Variants in TMEM131L observed in about 807,000 individuals in gnomAD.
TMEM131L encodes the protein transmembrane 131 like, also known as transmembrane protein 131-like.
A neutral mutation model predicts 192.2 loss-of-function variants in TMEM131L; 54 were observed. The ratio of observed to expected loss-of-function variants is 0.28; its 90% CI spans 0.23 to 0.35. TMEM131L has a LOEUF of 0.35. Ranked by LOEUF, TMEM131L falls within the 10% of genes least tolerant of loss-of-function variation. TMEM131L has a pLI of 1.00. For synonymous variants in TMEM131L, 701 were observed against 704.9 expected, an observed-to-expected ratio of 0.99 and a Z score of 0.09; for missense variants, 1,888 against 1,972.9, an observed-to-expected ratio of 0.96 and a Z score of 0.82.
chr4:153,602,184 A>C lies in TMEM131L; in HGVS notation c.2299A>C (p.Thr767Pro). ...AGACAGTAAGCAAATTTTATCTATT[A>C]CAAAGAACTTTAAAGTTGAGAATAT... ...LKDSKQILSI[T>P]KNFKVENIGP... Residue 767 changes from threonine (T) to proline (P), a missense_variant, in exon 22 of 35, where the codon ACA becomes CCA. Coordinates refer to ENST00000409959, the MANE Select transcript of TMEM131L (RefSeq NM_001131007.2). 1 of 1,606,430 alleles carries C rather than the reference A, an allele frequency of 6.2e-7. No homozygotes were observed. The highest frequency in any genetic ancestry group is 2.2e-5 in the East Asian group (1 of 44,744).
intron 3 of TMEM131L, among the ~76,000 whole-genome samples, chr4:153,527,515 G>T (rs1444535596): frequency 6.6e-6 from 1 of 152,092 alleles, no homozygotes; most frequent in Non-Finnish European, 1.5e-5. Flanking sequence ...GGGCTCAAGT[G>T]ATCCGCTTGC....
chr4:153,538,078 G>A (rs1440198266), intron 3 of TMEM131L, among the ~76,000 whole-genome samples: 1 of 152,146 alleles, frequency 6.6e-6, no homozygotes, highest in Non-Finnish European at 1.5e-5. Flanking sequence ...AATGTGTATC[G>A]GTATTTGAGG....
At chr4:153,631,873 C>T (rs927941390) in intron 31 of TMEM131L, among the ~76,000 whole-genome samples, 1 of 152,218 alleles carries the variant, frequency 6.6e-6, no homozygotes, top group Non-Finnish European at 1.5e-5. Flanking sequence ...TTTGAACTCC[C>T]CAGGCACACC....
intron 25 of TMEM131L, among the ~76,000 whole-genome samples, chr4:153,605,635 G>A (rs779063160): frequency 1.2e-4 from 19 of 152,218 alleles, no homozygotes; most frequent in South Asian, 4.1e-4. Context: ...GATTACAAGC[G>A]TGAGCCACTG....
At chr4:153,626,294 T>A in intron 30 of TMEM131L, 69 bp downstream of exon 30, 1 of 1,007,320 alleles carries the variant, frequency 9.9e-7, no homozygotes, top group Non-Finnish European at 1.5e-6. Flanking sequence ...TTATTGTGTT[T>A]CTTCTTTGTA....
intron 32 of TMEM131L, 97 bp downstream of exon 32, chr4:153,632,935 G>A (rs1734314202): frequency 1.4e-6 from 2 of 1,429,564 alleles, no homozygotes; most frequent in East Asian, 2.3e-5. Flanking sequence ...CAAAAATGAA[G>A]GCTAGGCTTC....
intron 30 of TMEM131L, among the ~76,000 whole-genome samples, chr4:153,626,631 G>T (rs536288386): frequency 6.6e-6 from 1 of 152,312 alleles, no homozygotes; most frequent in East Asian, 1.9e-4. Flanking sequence ...AGGCGTAGCG[G>T]CGCATGCCTG....
intron 7 of TMEM131L, among the ~76,000 whole-genome samples, chr4:153,569,803 A>G (rs1390061342): frequency 1.3e-5 from 2 of 152,234 alleles, no homozygotes; most frequent in African/African-American, 4.8e-5. Flanking sequence ...CACATAGCTG[A>G]AATGCCTTAA....
At chr4:153,484,350 A>C (rs1312332957) in intron 3 of TMEM131L, among the ~76,000 whole-genome samples, 1 of 152,158 alleles carries the variant, frequency 6.6e-6, no homozygotes, top group Non-Finnish European at 1.5e-5. Context: ...TTTGCAACCA[A>C]TTTATAAATG....
At chr4:153,532,459 A>G (rs953845213) in intron 3 of TMEM131L, among the ~76,000 whole-genome samples, 1 of 151,642 alleles carries the variant, frequency 6.6e-6, no homozygotes. Context: ...AAAAAAAAAA[A>G]GCTTTATTGA....
intron 3 of TMEM131L, among the ~76,000 whole-genome samples, chr4:153,527,743 C>T (rs749315765): frequency 6.6e-6 from 1 of 152,154 alleles, no homozygotes; most frequent in Non-Finnish European, 1.5e-5. Flanking sequence ...TGAGGAAACG[C>T]AGCCCAGGAA....
chr4:153,486,369 G>C (rs746223249), intron 3 of TMEM131L, among the ~76,000 whole-genome samples: 11 of 152,232 alleles, frequency 7.2e-5, no homozygotes, highest in Non-Finnish European at 1.6e-4. Flanking sequence ...GTGCTGAGAG[G>C]TTGCCTTTAG....
intron 26 of TMEM131L, among the ~76,000 whole-genome samples, chr4:153,618,444 C>G (rs1042322082): frequency 1.5e-5 from 2 of 133,674 alleles, no homozygotes; most frequent in Admixed American, 8.5e-5. Context: ...TCACTGCACT[C>G]TAGCCTGAGC....
chr4:153,616,000 G>A (rs1732948965), intron 26 of TMEM131L, among the ~76,000 whole-genome samples: 4 of 151,988 alleles, frequency 2.6e-5, no homozygotes, highest in African/African-American at 4.8e-5. Context: ...ATCCCTGAGG[G>A]CATGGGTCTT....
intron 7 of TMEM131L, among the ~76,000 whole-genome samples, chr4:153,571,988 T>C (rs980202111): frequency 6.6e-6 from 1 of 152,230 alleles, no homozygotes; most frequent in Non-Finnish European, 1.5e-5. Flanking sequence ...TCTCAAAGTA[T>C]CTCCACTTCT....
In TMEM131L at chr4:153,583,222, T is replaced by C; in HGVS notation, c.925T>C (p.Ser309Pro). ...DSAVNMYILH[S>P]GNSLIWIQDI... ...AGCAGTAAATATGTATATATTACAT[T>C]CAGGAAACAGCCTTATATGGATACA... is the stretch of plus-strand genomic sequence containing the variant. Residue 309 changes from serine to proline, a missense_variant, in exon 10 of 35, where the codon TCA becomes CCA. Transcript: ENST00000409959. The C allele has an allele frequency of 6.8e-7, 1 of 1,470,150 alleles. No individual in the cohort carries two copies. Among genetic ancestry groups the C allele is most frequent in the Non-Finnish European group, 9.5e-7 (1 of 1,049,034 alleles). 91.1% of individuals were successfully genotyped at this position (1,470,150 alleles called of 1,614,324 possible). A position where few individuals can be genotyped will look rare whatever the true frequency, so the allele number is the denominator to read the frequency against.
intron 3 of TMEM131L, among the ~76,000 whole-genome samples, chr4:153,544,492 G>C (rs908407857): frequency 2.0e-5 from 3 of 152,142 alleles, no homozygotes; most frequent in African/African-American, 7.2e-5. Context: ...CCTCTGCCTT[G>C]GGCTGGCCCT....
chr4:153,605,285 A>G lies in TMEM131L; in HGVS notation c.3418+855A>G, dbSNP rs368755422. Among the ~76,000 whole-genome samples the G allele has an allele frequency of 1.2e-3, 188 of 152,354 alleles. 2 individuals carry two copies. Among genetic ancestry groups the G allele is most frequent in the African/African-American group, 4.3e-3 (178 of 41,580 alleles). ...TTAATAGATCCCTTTGGCCTCTAGCATAAGGGCCTGTGCTTATTTATTTTC... is the reference window on the plus strand; with the variant it reads ...TTAATAGATCCCTTTGGCCTCTAGCGTAAGGGCCTGTGCTTATTTATTTTC... On this transcript the variant is annotated intron_variant, in intron 25 of 34. Transcript: ENST00000409959.
At chr4:153,526,579 C>CA (rs796947666) in intron 3 of TMEM131L, among the ~76,000 whole-genome samples, 24 of 150,864 alleles carry the variant, frequency 1.6e-4, no homozygotes, top group African/African-American at 3.9e-4. Context: ...CTAAAAAATA[C>CA]AAAAAAAAAT....
Sources: allele counts gnomAD v4.1 joint callset (sites outside exome capture counted in the v4.1 genomes callset), GRCh38; gene constraint gnomAD v4.1.1; transcripts MANE v1.5; gene names NCBI Gene and HGNC (gene_info 2026-07-23, HGNC 2026-07-21).